GPHN: variants seen among roughly 807,000 people sequenced by gnomAD.
GPHN encodes gephyrin.
GPHN carries 17 observed loss-of-function variants against 95.5 expected under a neutral mutation model. The ratio of observed to expected loss-of-function variants is 0.18; its 90% CI spans 0.12 to 0.27. The LOEUF (loss-of-function observed/expected upper bound fraction) is 0.27. Among genes scored for constraint, GPHN ranks in the 10% least tolerant of loss-of-function variants. The pLI, the probability that GPHN is intolerant of heterozygous loss-of-function variation, is 1.00. For missense variants in GPHN, 660 were observed against 978.1 expected (o/e 0.67, Z 4.34); for synonymous variants, 320 against 322.5 (o/e 0.99, Z 0.08).
At chr14:67,093,816 C>A (rs2077234551) in intron 12 of GPHN, among the ~76,000 whole-genome samples, 1 of 152,088 alleles carries the variant, frequency 6.6e-6, no homozygotes. Flanking sequence ...TATGAATCCT[C>A]TTATTCCAGC....
the GPHN span, chr14:67,488,581 T>G: frequency 6.6e-6 from 1 of 152,286 alleles, no homozygotes; most frequent in East Asian, 1.9e-4. Flanking sequence ...GGAAAAGGTT[T>G]TAACGGAGCA....
the GPHN span, chr14:67,659,713 A>C: frequency 1.3e-6 from 2 of 1,572,372 alleles, no homozygotes; most frequent in Non-Finnish European, 8.6e-7. Context: ...AAAAACAAAC[A>C]AAACAGCTAA....
chr14:67,390,602 G>A, the GPHN span: 52 of 1,163,052 alleles, frequency 4.5e-5, no homozygotes, highest in African/African-American at 7.5e-4. Flanking sequence ...GCCATGCCAG[G>A]AGAGGAGTGT....
At chr14:67,227,435 G>A in the GPHN span, 2 of 127,084 alleles carry the variant, frequency 1.6e-5, no homozygotes, top group Non-Finnish European at 3.1e-5. Context: ...GTAAGATGCT[G>A]TCTCAAAAAA....
At chr14:66,532,328 T>C (rs1482950542) in intron 1 of GPHN, among the ~76,000 whole-genome samples, 1 of 152,174 alleles carries the variant, frequency 6.6e-6, no homozygotes, top group Admixed American at 6.5e-5. Flanking sequence ...CATGTGGGTC[T>C]TTCTATATGG....
At chr14:66,708,013 G>A (rs1406084614) in intron 2 of GPHN, among the ~76,000 whole-genome samples, 1 of 152,186 alleles carries the variant, frequency 6.6e-6, no homozygotes, top group East Asian at 1.9e-4. Context: ...AGTTTCAAAA[G>A]CTGGAGGTTT....
At chr14:66,713,212 C>T (rs571337078) in intron 2 of GPHN, among the ~76,000 whole-genome samples, 54 of 152,100 alleles carry the variant, frequency 3.6e-4, no homozygotes, top group Non-Finnish European at 5.9e-4. Flanking sequence ...GAAATCCTTG[C>T]CTAAGCCAAC....
chr14:67,077,325 A>G (rs1191098788), intron 11 of GPHN, among the ~76,000 whole-genome samples: 1 of 152,144 alleles, frequency 6.6e-6, no homozygotes, highest in Admixed American at 6.6e-5. Context: ...ATGTTAATGT[A>G]AGCATCCCGA....
chr14:67,650,474 A>C, the GPHN span: 1 of 525,972 alleles, frequency 1.9e-6, no homozygotes, highest in South Asian at 2.4e-5. Flanking sequence ...TTAGTTGAAC[A>C]GGGATGGTTT....
the GPHN span, among the ~76,000 whole-genome samples, chr14:67,505,509 T>C: frequency 1 from 152,124 of 152,222 alleles, 76,013 homozygotes; most frequent in Non-Finnish European, 1. Context: ...AGGTTCACTG[T>C]GCCCAGGGAT....
the GPHN span, among the ~76,000 whole-genome samples, chr14:67,622,078 A>G: frequency 6.6e-6 from 1 of 152,170 alleles, no homozygotes; most frequent in South Asian, 2.1e-4. Context: ...TGACAGAATG[A>G]GACTCCATCT....
At chr14:67,291,486 T>C in the GPHN span, among the ~76,000 whole-genome samples, 4 of 152,196 alleles carry the variant, frequency 2.6e-5, no homozygotes, top group Admixed American at 2.6e-4. Flanking sequence ...GGTTTTACCA[T>C]CTTGGCCAGG....
chr14:66,644,300 T>C (rs1390683044), intron 1 of GPHN, among the ~76,000 whole-genome samples: 4 of 152,056 alleles, frequency 2.6e-5, no homozygotes, highest in Non-Finnish European at 5.9e-5. Flanking sequence ...TATGTCTAAA[T>C]TATAACATAA....
At chr14:67,575,404 C>T in the GPHN span, 7 of 1,604,830 alleles carry the variant, frequency 4.4e-6, no homozygotes, top group African/African-American at 8.0e-5. Flanking sequence ...AAAGCATGGC[C>T]ACTCCAAGGT....
At chr14:67,523,047 G>T in the GPHN span, among the ~76,000 whole-genome samples, 1 of 152,324 alleles carries the variant, frequency 6.6e-6, no homozygotes, top group East Asian at 1.9e-4. Context: ...AGCCCAGGCT[G>T]GGCGCGGTGG....
chr14:67,443,712 C>T, the GPHN span, among the ~76,000 whole-genome samples: 1 of 151,628 alleles, frequency 6.6e-6, no homozygotes, highest in Non-Finnish European at 1.5e-5. Flanking sequence ...AGGCTATGAT[C>T]ATGCCTGTGA....
the GPHN span, among the ~76,000 whole-genome samples, chr14:67,604,126 G>A: frequency 6.6e-6 from 1 of 152,154 alleles, no homozygotes; most frequent in African/African-American, 2.4e-5. Flanking sequence ...CCAAGTAGCT[G>A]GGATTACAGG....
Position 66,828,125 on chromosome 14 carries a change from T to A in GPHN, c.294+3559T>A, listed in dbSNP as rs112383611. Reference sequence around the variant, plus strand: ...TGTGAATAACTTGATCTTTAATAGGTTCACTTCATATTTTATATGTATATA... The same window carrying A: ...TGTGAATAACTTGATCTTTAATAGGATCACTTCATATTTTATATGTATATA... On this transcript the variant is annotated intron_variant, in intron 4 of 22. Transcript: ENST00000478722. Among the ~76,000 whole-genome samples the A allele has an allele frequency of 6.6e-5, 10 of 152,034 alleles. 1 individual carries two copies. The highest frequency in any genetic ancestry group is 2.4e-4 in the African/African-American group (10 of 41,534).
the GPHN span, among the ~76,000 whole-genome samples, chr14:67,509,429 C>T: frequency 6.6e-6 from 1 of 152,154 alleles, no homozygotes; most frequent in South Asian, 2.1e-4. Context: ...AGCGATTCTC[C>T]TGCCTCAGCC....
Sources: allele counts gnomAD v4.1 joint callset (sites outside exome capture counted in the v4.1 genomes callset), GRCh38; gene constraint gnomAD v4.1.1; transcripts MANE v1.5; gene names NCBI Gene and HGNC (gene_info 2026-07-23, HGNC 2026-07-21).